The following GRIK2 variants were observed in gnomAD, a reference collection of about 807,000 sequenced individuals.
GRIK2 encodes the protein glutamate ionotropic receptor kainate type subunit 2.
In GRIK2, 32 loss-of-function variants were observed where a neutral mutation model predicts 100.3. The observed-to-expected ratio is 0.32, with a 90% CI of 0.24 to 0.43. The LOEUF (loss-of-function observed/expected upper bound fraction) is 0.43. GRIK2 is among the 20% of genes least tolerant of loss of function. The pLI, the probability that GRIK2 is intolerant of heterozygous loss-of-function variation, is 1.00. For synonymous variants in GRIK2, 417 were observed against 389.4 expected (o/e 1.07, Z -0.83); for missense variants, 843 against 1,114.9 (o/e 0.76, Z 3.47).
intron 2 of GRIK2, among the ~76,000 whole-genome samples, chr6:101,581,339 ATT>A (rs1778088522): frequency 4.0e-5 from 6 of 151,832 alleles, no homozygotes; most frequent in Admixed American, 3.9e-4. Context: ...ATTAAGGAGT[ATT>A]GACTCACAGG....
chr6:101,459,202 G>A (rs1009484073), intron 2 of GRIK2, among the ~76,000 whole-genome samples: 1 of 151,988 alleles, frequency 6.6e-6, no homozygotes, highest in Middle Eastern at 3.4e-3. Flanking sequence ...AGCCTAATTT[G>A]GCAGATTCCA....
chr6:101,986,265 A>G (rs948475173), intron 14 of GRIK2, among the ~76,000 whole-genome samples: 9 of 151,884 alleles, frequency 5.9e-5, no homozygotes, highest in African/African-American at 2.2e-4. Context: ...AGGAATATAG[A>G]ATTTAGAATT....
At chr6:101,408,539 T>A (rs944231195) in intron 2 of GRIK2, among the ~76,000 whole-genome samples, 1 of 151,908 alleles carries the variant, frequency 6.6e-6, no homozygotes, top group Admixed American at 6.6e-5. Context: ...AGACTTGAGG[T>A]CCAGGAAGAT....
At chr6:101,826,428 G>A (rs1397363817) in intron 10 of GRIK2, among the ~76,000 whole-genome samples, 2 of 152,040 alleles carry the variant, frequency 1.3e-5, no homozygotes, top group East Asian at 3.9e-4. Context: ...CACTGCCACA[G>A]CGTGTGATGG....
At chr6:101,709,427 A>G (rs945744051) in intron 7 of GRIK2, among the ~76,000 whole-genome samples, 1 of 151,868 alleles carries the variant, frequency 6.6e-6, no homozygotes, top group Non-Finnish European at 1.5e-5. Context: ...CAAATTGAGC[A>G]TTCTCACTAC....
At chr6:101,424,941 T>A (rs1166442820) in intron 2 of GRIK2, among the ~76,000 whole-genome samples, 1 of 152,176 alleles carries the variant, frequency 6.6e-6, no homozygotes, top group African/African-American at 2.4e-5. Context: ...GTATATGTGC[T>A]ACATTTTCTT....
At chr6:101,893,747 A>G (rs1182584709) in intron 12 of GRIK2, among the ~76,000 whole-genome samples, 3 of 151,726 alleles carry the variant, frequency 2.0e-5, no homozygotes, top group Admixed American at 1.3e-4. Context: ...TCATTTATTT[A>G]TTCAACAATA....
At chr6:101,547,331 T>TA (rs11413139) in intron 2 of GRIK2, among the ~76,000 whole-genome samples, 4 of 151,186 alleles carry the variant, frequency 2.6e-5, no homozygotes, top group African/African-American at 4.9e-5. Flanking sequence ...GGATTTTTTT[T>TA]ATTATACTTT....
chr6:101,659,188 T>C (rs118080464), intron 4 of GRIK2, among the ~76,000 whole-genome samples: 2,879 of 152,322 alleles, frequency 0.019, 48 homozygotes, highest in Non-Finnish European at 0.029. Flanking sequence ...GTTAATTTTG[T>C]ATAAAGAATA....
At chr6:101,664,070 C>A (rs565281489) in intron 4 of GRIK2, among the ~76,000 whole-genome samples, 2 of 152,198 alleles carry the variant, frequency 1.3e-5, no homozygotes, top group African/African-American at 4.8e-5. Context: ...CAAAGAATTC[C>A]TTGTTTCAAC....
Position 101,928,487 on chromosome 6 carries a change from T to G in GRIK2, c.1940T>G (p.Ile647Ser). The change falls in exon 14 of 17, where the codon ATC (isoleucine) becomes AGC (serine). Residue 647 changes from isoleucine (I) to serine (S), a missense_variant. Physicochemically the swap from Ile to Ser is moderately radical, Grantham distance 142. Coordinates refer to ENST00000369134, the MANE Select transcript of GRIK2 (RefSeq NM_021956.5). ...ATTTGGTGGTTTTTCACACTTATCA[T>G]CATTTCTTCGTATACTGCTAACTTA... The part of the protein sequence containing the change: ...GGIWWFFTLI[I>S]ISSYTANLAA... The G allele has an allele frequency of 6.2e-7, 1 of 1,608,994 alleles. No homozygotes were observed. Among genetic ancestry groups the G allele is most frequent in the Non-Finnish European group, 8.5e-7 (1 of 1,175,376 alleles).
chr6:101,917,414 T>A (rs1562486064), intron 12 of GRIK2, among the ~76,000 whole-genome samples: 1 of 151,686 alleles, frequency 6.6e-6, no homozygotes, highest in East Asian at 1.9e-4. Context: ...TGCTGAAAAG[T>A]TGAGCATAGC....
At chr6:101,521,536 A>C (rs1774883647) in intron 2 of GRIK2, among the ~76,000 whole-genome samples, 1 of 152,088 alleles carries the variant, frequency 6.6e-6, no homozygotes, top group Non-Finnish European at 1.5e-5. Flanking sequence ...TTTCCACAAT[A>C]ATTATAGTTT....
intron 14 of GRIK2, among the ~76,000 whole-genome samples, chr6:101,930,358 AAT>A (rs1390742503): frequency 0.017 from 1,643 of 95,112 alleles, 33 homozygotes; most frequent in African/African-American, 0.059. Flanking sequence ...AAAAAAATAA[AAT>A]AAAATAAAAT....
chr6:101,878,183 T>C (rs1160023220), intron 11 of GRIK2, among the ~76,000 whole-genome samples: 2 of 149,988 alleles, frequency 1.3e-5, no homozygotes, highest in African/African-American at 2.4e-5. Context: ...TTGATGGAAA[T>C]AATAGCAAAA....
intron 2 of GRIK2, among the ~76,000 whole-genome samples, chr6:101,610,196 T>C (rs1779610192): frequency 6.6e-6 from 1 of 151,354 alleles, no homozygotes; most frequent in South Asian, 2.1e-4. Context: ...GCAAAGTAAA[T>C]AGGTAAGAAG....
intron 4 of GRIK2, among the ~76,000 whole-genome samples, chr6:101,630,860 A>G (rs571788863): frequency 7.6e-4 from 115 of 151,672 alleles, no homozygotes; most frequent in African/African-American, 2.7e-3. Flanking sequence ...TTTTTTTTAC[A>G]TATTTCCTTT....
At chr6:101,629,368 A>G (rs901390313) in intron 4 of GRIK2, among the ~76,000 whole-genome samples, 3 of 152,108 alleles carry the variant, frequency 2.0e-5, no homozygotes, top group African/African-American at 7.2e-5. Flanking sequence ...TTTATGCAAC[A>G]TTTAATTCAA....
At chr6:101,649,588 T>G (rs1366066255) in intron 4 of GRIK2, among the ~76,000 whole-genome samples, 1 of 152,148 alleles carries the variant, frequency 6.6e-6, no homozygotes, top group Non-Finnish European at 1.5e-5. Flanking sequence ...AAGCCACATT[T>G]AATTTCCTAC....
Sources: allele counts gnomAD v4.1 joint callset (sites outside exome capture counted in the v4.1 genomes callset), GRCh38; gene constraint gnomAD v4.1.1; transcripts MANE v1.5; gene names NCBI Gene and HGNC (gene_info 2026-07-23, HGNC 2026-07-21).